The following LOXHD1 variants were observed in gnomAD, a reference collection of about 807,000 sequenced individuals.
LOXHD1 encodes the protein lipoxygenase homology domain-containing protein 1.
LOXHD1 carries 205 observed loss-of-function variants against 248.2 expected under a neutral mutation model. That is an observed-to-expected ratio of 0.83 (90% confidence interval 0.74 to 0.93). LOXHD1 has a LOEUF of 0.93. LOXHD1 is among the 40% of genes least tolerant of loss of function. The pLI, the probability that LOXHD1 is intolerant of heterozygous loss-of-function variation, is 0.00. For synonymous variants in LOXHD1, 1,113 were observed against 1,162.8 expected (o/e 0.96, Z 0.87); for missense variants, 2,930 against 2,971.6 (o/e 0.99, Z 0.33).
chr18:46,548,568 T>C (rs2036949827), intron 21 of LOXHD1, among the ~76,000 whole-genome samples: 1 of 152,246 alleles, frequency 6.6e-6, no homozygotes, highest in Non-Finnish European at 1.5e-5. Context: ...GTTCTGCTTC[T>C]TAGCCTTTAA....
intron 34 of LOXHD1, among the ~76,000 whole-genome samples, chr18:46,517,195 G>A (rs2035300075): frequency 6.6e-6 from 1 of 152,122 alleles, no homozygotes; most frequent in Non-Finnish European, 1.5e-5. Flanking sequence ...ATGTTTGGGG[G>A]ACAGTGGCTG....
intron 25 of LOXHD1, 119 bp downstream of exon 25, chr18:46,541,657 C>A: frequency 2.5e-6 from 3 of 1,206,830 alleles, no homozygotes; most frequent in Non-Finnish European, 2.4e-6. Context: ...GATGAAAGAC[C>A]AAAATCTTCA....
chr18:46,560,206 C>A lies in LOXHD1; in HGVS notation c.2938G>T (p.Gly980Trp). ...TCAATCACCTCCTGCATCCCCGGCC[C>A]AAACTCCTCCTCTTCCTCCTCTTCT... is the stretch of plus-strand genomic sequence containing the variant. ...MEEEEEEEEF[G>W]PGMQEVIEQH... is the part of the protein sequence containing the mutation. The change falls in exon 19 of 41, where the codon GGG (glycine) becomes TGG (tryptophan). Residue 980 changes from glycine (G) to tryptophan (W), a missense_variant. Transcript: ENST00000642948. The A allele has an allele frequency of 6.4e-7, 1 of 1,551,906 alleles. No individual in the cohort carries two copies. Among genetic ancestry groups the A allele is most frequent in the Non-Finnish European group, 8.7e-7 (1 of 1,147,056 alleles).
At chr18:46,626,051 G>A (rs931208374) in intron 4 of LOXHD1, among the ~76,000 whole-genome samples, 1 of 152,174 alleles carries the variant, frequency 6.6e-6, no homozygotes, top group East Asian at 1.9e-4. Flanking sequence ...TTAACATTGT[G>A]CAAATCCCTT....
At chr18:46,514,120 G>A (rs1443261858) in intron 34 of LOXHD1, among the ~76,000 whole-genome samples, 1 of 152,168 alleles carries the variant, frequency 6.6e-6, no homozygotes, top group Non-Finnish European at 1.5e-5. Context: ...TCTTTGCTGT[G>A]GTTTGAGAGT....
intron 2 of LOXHD1, among the ~76,000 whole-genome samples, chr18:46,645,338 G>A (rs1347397625): frequency 6.6e-6 from 1 of 152,004 alleles, no homozygotes; most frequent in Non-Finnish European, 1.5e-5. Context: ...CACAGCCCCT[G>A]CCATTCAGCA....
rs1412385583 is a variant in LOXHD1 at position 46,643,754 on chromosome 18, A to G, written c.246-1718T>C. On this transcript the variant is annotated intron_variant, in intron 2 of 40. Coordinates refer to ENST00000642948, the MANE Select transcript of LOXHD1 (RefSeq NM_001384474.1). ...AAGTGATCTTTAGAATAAATAGACA[A>G]AGCCTCTCCATCAAATAAACACCCT... is the stretch of plus-strand genomic sequence containing the variant. Among the ~76,000 whole-genome samples the G allele has an allele frequency of 2.0e-5, 3 of 152,332 alleles. No individual in the cohort carries two copies. In the East Asian group the frequency reaches 5.8e-4, roughly 29 times the overall value.
chr18:46,536,314 T>A (rs964300493), intron 26 of LOXHD1, among the ~76,000 whole-genome samples: 1 of 152,026 alleles, frequency 6.6e-6, no homozygotes, highest in East Asian at 1.9e-4. Context: ...CCTGAGATAG[T>A]GGCTGAGCCA....
chr18:46,567,306 G>A (rs1402520472), intron 16 of LOXHD1, among the ~76,000 whole-genome samples: 1 of 152,222 alleles, frequency 6.6e-6, no homozygotes, highest in Non-Finnish European at 1.5e-5. Flanking sequence ...GTGCCAAAAG[G>A]CCAGATTTAG....
chr18:46,548,786 GA>G (rs1568171499), intron 21 of LOXHD1, among the ~76,000 whole-genome samples: 1 of 151,728 alleles, frequency 6.6e-6, no homozygotes, highest in South Asian at 2.1e-4. Flanking sequence ...GGGAGGGAGA[GA>G]AAAAAAGTCA....
At chr18:46,629,809 A>C (rs2038796321) in intron 4 of LOXHD1, among the ~76,000 whole-genome samples, 1 of 150,268 alleles carries the variant, frequency 6.7e-6, no homozygotes, top group African/African-American at 2.5e-5. Flanking sequence ...AAAAAAAAAG[A>C]AAAAAAGAAA....
intron 8 of LOXHD1, among the ~76,000 whole-genome samples, chr18:46,597,460 C>A (rs889726062): frequency 4.0e-5 from 6 of 151,314 alleles, no homozygotes; most frequent in Non-Finnish European, 8.8e-5. Flanking sequence ...AGTAACATAG[C>A]CTCAAACTAT....
At chr18:46,527,593 C>G (rs1049474455) in intron 29 of LOXHD1, among the ~76,000 whole-genome samples, 2 of 152,228 alleles carry the variant, frequency 1.3e-5, no homozygotes, top group African/African-American at 4.8e-5. Context: ...TGACCTGCCC[C>G]TAGCATCTGG....
intron 34 of LOXHD1, among the ~76,000 whole-genome samples, chr18:46,512,022 G>C (rs887084289): frequency 1.3e-5 from 2 of 152,154 alleles, no homozygotes; most frequent in Non-Finnish European, 2.9e-5. Flanking sequence ...TCCTGAGTTT[G>C]GGTCAAGCTA....
intron 18 of LOXHD1, among the ~76,000 whole-genome samples, chr18:46,562,284 G>C (rs544787844): frequency 2.6e-5 from 4 of 152,334 alleles, no homozygotes; most frequent in African/African-American, 9.6e-5. Flanking sequence ...ACCGGGTAAG[G>C]ACTCTTTGCT....
At position 46,477,637 on chromosome 18, in the gene LOXHD1, C is replaced by T; in HGVS notation, c.6657G>A (p.Val2219=). 1 of 1,551,782 alleles carries T rather than the reference C, an allele frequency of 6.4e-7. No individual in the cohort carries two copies. The highest frequency in any genetic ancestry group is 1.2e-5 in the South Asian group (1 of 84,066). The part of the protein sequence containing the change: ...ETLELGELRK[V]RLEHDSSGYC... ...AGCCACTGCTGTCGTGCTCCAGGCGCACCTTGCGCAGCTCACCCAGCTCCA... is the reference window on the plus strand; with the variant it reads ...AGCCACTGCTGTCGTGCTCCAGGCGTACCTTGCGCAGCTCACCCAGCTCCA... The change falls in exon 41 of 41, where the codon GTG becomes GTA. Residue 2219 remains valine (V), a synonymous_variant. Transcript: ENST00000642948.
At chr18:46,545,528 C>T in intron 22 of LOXHD1, 107 bp from the exon 23 acceptor site, 1 of 778,156 alleles carries the variant, frequency 1.3e-6, no homozygotes, top group Non-Finnish European at 2.2e-6. Context: ...TTCACTCCCT[C>T]TACCCCATCA....
At chr18:46,610,728 G>GC in intron 6 of LOXHD1, 48 bp downstream of exon 6, 2 of 1,502,074 alleles carry the variant, frequency 1.3e-6, no homozygotes, top group South Asian at 1.3e-5. Context: ...GAACAAGAAG[G>GC]CCCCCCTTCC....
chr18:46,603,249 C>T (rs530373658), intron 7 of LOXHD1, among the ~76,000 whole-genome samples: 3 of 151,702 alleles, frequency 2.0e-5, no homozygotes, highest in South Asian at 4.2e-4. Flanking sequence ...AGGCAGGTTC[C>T]GAGGATAGAG....
Sources: gnomAD v4.1 joint callset for allele counts (sites outside exome capture counted in the v4.1 genomes callset) on GRCh38, gnomAD v4.1.1 for gene constraint, MANE v1.5 for transcripts, NCBI Gene and HGNC (gene_info 2026-07-23, HGNC 2026-07-21) for gene names.